Variants in GPC3 observed in about 807,000 individuals in gnomAD.
GPC3 encodes the protein glypican-3.
Under a neutral mutation model 34.4 loss-of-function variants are expected in GPC3, and 3 were observed. The ratio of observed to expected loss-of-function variants is 0.09; its 90% confidence interval spans 0.04 to 0.23. The LOEUF is 0.23. Among genes scored for constraint, GPC3 ranks in the 10% least tolerant of loss-of-function variants. The pLI, the probability that GPC3 is intolerant of heterozygous loss-of-function variation, is 1.00. For synonymous variants in GPC3, 177 were observed against 174.0 expected, an observed-to-expected ratio of 1.02 and a Z score of -0.13; for missense variants, 351 against 445.6, an observed-to-expected ratio of 0.79 and a Z score of 1.91.
At chrX:133,976,625 G>A (rs1281232156) in intron 1 of GPC3, among the ~76,000 whole-genome samples, 1 of 6,532 alleles carries the variant, frequency 1.5e-4, no homozygotes, top group Non-Finnish European at 2.6e-4. Context: ...TTTAAAGAGG[G>A]GCAACTCGCC....
intron 2 of GPC3, among the ~76,000 whole-genome samples, chrX:133,762,044 C>T (rs1603242228): frequency 8.9e-6 from 1 of 111,852 alleles, no homozygotes. Flanking sequence ...TTGTAGAGCA[C>T]TTTAAATTCC....
intron 2 of GPC3, among the ~76,000 whole-genome samples, chrX:133,758,149 C>T (rs1005631989): frequency 9.0e-6 from 1 of 111,584 alleles, no homozygotes; most frequent in African/African-American, 3.3e-5. Context: ...GGTGATTCCT[C>T]AAAGACCTAG....
intron 7 of GPC3, among the ~76,000 whole-genome samples, chrX:133,550,796 G>A (rs2069427231): frequency 1.8e-5 from 2 of 112,177 alleles, no homozygotes; most frequent in African/African-American, 3.2e-5. Flanking sequence ...CAGGGCCAAT[G>A]GTGGGTGGCT....
At chrX:133,585,571 T>C (rs1301390164) in intron 7 of GPC3, among the ~76,000 whole-genome samples, 2 of 111,810 alleles carry the variant, frequency 1.8e-5, no homozygotes, top group African/African-American at 6.5e-5. Context: ...TATTTCTTCT[T>C]GCAGGGGAGC....
At chrX:133,641,020 T>C (rs377631113) in intron 6 of GPC3, among the ~76,000 whole-genome samples, 3 of 111,195 alleles carry the variant, frequency 2.7e-5, no homozygotes, top group African/African-American at 6.6e-5. Flanking sequence ...TTTAGCTTTT[T>C]TTTTTTGCTT....
intron 1 of GPC3, among the ~76,000 whole-genome samples, chrX:133,958,721 AAAC>A (rs2076428401): frequency 9.5e-6 from 1 of 105,768 alleles, no homozygotes; most frequent in Non-Finnish European, 1.9e-5. Context: ...AAAAAAAAAA[AAAC>A]AAAAAAAAAA....
chrX:133,759,936 CA>C (rs1313018406), intron 2 of GPC3, among the ~76,000 whole-genome samples: 2 of 111,461 alleles, frequency 1.8e-5, no homozygotes, highest in East Asian at 5.6e-4. Flanking sequence ...ACTTGCAATT[CA>C]ACAGTAAGAA....
In GPC3 at chrX:133,591,265, C is replaced by T. The variant is rs183154361; in HGVS notation, c.1573+5175G>A. Among the ~76,000 whole-genome samples, 343 of 111,959 alleles carry T rather than the reference C, an allele frequency of 3.1e-3. 2 individuals are homozygous for T. Among genetic ancestry groups the T allele is most frequent in the Non-Finnish European group, 5.0e-3 (265 of 53,204 alleles). On this transcript the variant is annotated intron_variant, in intron 7 of 7. Transcript: ENST00000370818. ...AATGGTGGTGAACGTGCATGGTGTT[C>T]CAAGTCTAGCTGACTAAATAAATGG...
intron 5 of GPC3, among the ~76,000 whole-genome samples, chrX:133,669,911 T>A (rs1298026568): frequency 1.8e-5 from 2 of 111,688 alleles, no homozygotes; most frequent in Non-Finnish European, 3.8e-5. Context: ...AAGAAAATCC[T>A]ATTTGTGAAG....
intron 5 of GPC3, among the ~76,000 whole-genome samples, chrX:133,664,792 T>C (rs1349989755): frequency 9.8e-6 from 1 of 102,411 alleles, no homozygotes; most frequent in Non-Finnish European, 1.9e-5. Context: ...AATAAAACAA[T>C]TAAGAAACCG....
intron 2 of GPC3, among the ~76,000 whole-genome samples, chrX:133,949,106 C>T (rs1477586874): frequency 1.8e-5 from 2 of 112,011 alleles, no homozygotes; most frequent in African/African-American, 6.5e-5. Context: ...AATAACTGCC[C>T]CAAAATATAA....
chrX:133,806,664 A>C (rs1441493097), intron 2 of GPC3, among the ~76,000 whole-genome samples: 1 of 103,216 alleles, frequency 9.7e-6, no homozygotes, highest in Non-Finnish European at 1.9e-5. Context: ...TTTTTGAGAC[A>C]GAGTCTTTCT....
Position 133,699,993 on chromosome X carries a change from T to G in GPC3, c.1068A>C (p.Gln356His). 1 of 1,191,055 alleles carries G rather than the reference T, an allele frequency of 8.4e-7. No individual in the cohort carries two copies. The highest frequency in any genetic ancestry group is 1.1e-6 in the Non-Finnish European group (1 of 877,399). ...GKLCAHSQQR[Q>H]YRSAYYPEDL... ...CTTCAGGATAATAAGCAGATCTATA[T>G]TGGCGTTGTTGAGAATGGGCACATA... The change falls in exon 4 of 8, where the codon CAA becomes CAC. Residue 356 changes from glutamine (Q) to histidine (H), a missense_variant. Coordinates refer to ENST00000370818, the MANE Select transcript of GPC3 (RefSeq NM_004484.4).
At chrX:133,897,305 C>T (rs2076121588) in intron 2 of GPC3, among the ~76,000 whole-genome samples, 1 of 105,600 alleles carries the variant, frequency 9.5e-6, no homozygotes, top group Non-Finnish European at 1.9e-5. Context: ...CCACTTTGGC[C>T]TCACAAAGTG....
intron 3 of GPC3, among the ~76,000 whole-genome samples, chrX:133,734,015 T>C (rs750508208): frequency 4.5e-5 from 5 of 112,139 alleles, no homozygotes; most frequent in African/African-American, 1.6e-4. Flanking sequence ...AGAAGATCTT[T>C]AGAAGAGGAA....
At chrX:133,881,710 C>G (rs1228055248) in intron 2 of GPC3, among the ~76,000 whole-genome samples, 1 of 111,863 alleles carries the variant, frequency 8.9e-6, no homozygotes, top group Non-Finnish European at 1.9e-5. Flanking sequence ...TTCCCTCCCT[C>G]TAGGGTCAGG....
intron 2 of GPC3, among the ~76,000 whole-genome samples, chrX:133,823,609 C>A (rs1042282515): frequency 1.8e-5 from 2 of 111,207 alleles, no homozygotes; most frequent in African/African-American, 6.5e-5. Context: ...TATAAAACAA[C>A]TATTATACAA....
chrX:133,797,392 G>A (rs767251314), intron 2 of GPC3, among the ~76,000 whole-genome samples: 1 of 111,560 alleles, frequency 9.0e-6, no homozygotes, highest in South Asian at 3.8e-4. Flanking sequence ...ATGCTGCCAT[G>A]CTTGCTTGAA....
At chrX:133,605,174 G>GT (rs1314766681) in intron 6 of GPC3, among the ~76,000 whole-genome samples, 2 of 106,125 alleles carry the variant, frequency 1.9e-5, no homozygotes, top group Non-Finnish European at 3.9e-5. Context: ...TTCACACGTG[G>GT]GGGGGGGGCA....
Sources: gnomAD v4.1 joint callset for allele counts (sites outside exome capture counted in the v4.1 genomes callset) on GRCh38, gnomAD v4.1.1 for gene constraint, MANE v1.5 for transcripts, NCBI Gene and HGNC (gene_info 2026-07-23, HGNC 2026-07-21) for gene names.